The following SLC12A2 variants were observed in gnomAD, a reference collection of about 807,000 sequenced individuals.
SLC12A2 encodes Na-K-2Cl cotransporter 1.
A neutral mutation model predicts 136.3 loss-of-function variants in SLC12A2; 67 were observed. The ratio of observed to expected loss-of-function variants is 0.49; its 90% CI spans 0.40 to 0.60. The LOEUF is 0.60. Among genes scored for constraint, SLC12A2 ranks in the 20% least tolerant of loss-of-function variants. The pLI, the probability that SLC12A2 is intolerant of heterozygous loss-of-function variation, is 0.00. For missense variants in SLC12A2, 1,322 were observed against 1,534.7 expected (o/e 0.86, Z 2.32); for synonymous variants, 619 against 562.9 (o/e 1.10, Z -1.41).
At chr5:128,166,152 A>G (rs1219598992) in intron 17 of SLC12A2, among the ~76,000 whole-genome samples, 2 of 152,048 alleles carry the variant, frequency 1.3e-5, no homozygotes, top group Non-Finnish European at 2.9e-5. Flanking sequence ...GCAGGTCAAC[A>G]CTTGATAAAT....
At chr5:128,182,071 T>C (rs894384200) in intron 23 of SLC12A2, among the ~76,000 whole-genome samples, 4 of 152,126 alleles carry the variant, frequency 2.6e-5, no homozygotes, top group Admixed American at 6.5e-5. Flanking sequence ...GCATGTTTTA[T>C]AGTAGCCACT....
chr5:128,135,850 A>T, intron 7 of SLC12A2, 42 bp downstream of exon 7: 1 of 1,037,426 alleles, frequency 9.6e-7, no homozygotes, highest in Non-Finnish European at 1.5e-6. Context: ...GTACCTATTT[A>T]TAGAATTCTA....
At chr5:128,127,476 C>T (rs1471456070) in intron 4 of SLC12A2, among the ~76,000 whole-genome samples, 3 of 151,792 alleles carry the variant, frequency 2.0e-5, no homozygotes, top group Admixed American at 6.6e-5. Flanking sequence ...GTATTATGCT[C>T]ATCTTATGTG....
chr5:128,165,918 T>TACC (rs1561698417), intron 17 of SLC12A2, among the ~76,000 whole-genome samples: 1 of 83,824 alleles, frequency 1.2e-5, no homozygotes, highest in Non-Finnish European at 2.6e-5. Flanking sequence ...TTCTTTTACC[T>TACC]CCCCCCCCCC....
At chr5:128,156,171 T>C (rs1254466047) in intron 15 of SLC12A2, among the ~76,000 whole-genome samples, 1 of 152,178 alleles carries the variant, frequency 6.6e-6, no homozygotes, top group Non-Finnish European at 1.5e-5. Flanking sequence ...CAGAGGGACC[T>C]ACTGTTCCTA....
At chr5:128,090,413 A>G (rs1014461797) in intron 1 of SLC12A2, among the ~76,000 whole-genome samples, 32 of 152,200 alleles carry the variant, frequency 2.1e-4, no homozygotes, top group Non-Finnish European at 4.4e-4. Flanking sequence ...ATGATATTTC[A>G]TTATATGTTA....
intron 19 of SLC12A2, 180 bp downstream of exon 19, chr5:128,171,926 A>G (rs893351662): frequency 1.5e-5 from 7 of 465,444 alleles, no homozygotes; most frequent in Non-Finnish European, 2.2e-5. Context: ...TTCTCGTTGT[A>G]CCAACCTGGA....
intron 10 of SLC12A2, among the ~76,000 whole-genome samples, chr5:128,144,891 T>C (rs1259167063): frequency 6.6e-6 from 1 of 152,232 alleles, no homozygotes; most frequent in Non-Finnish European, 1.5e-5. Flanking sequence ...ATTTACTTGC[T>C]ATCTTTTAGC....
At chr5:128,169,862 T>C (rs1212408722) in intron 18 of SLC12A2, 1 of 152,208 alleles carries the variant, frequency 6.6e-6, no homozygotes, top group Admixed American at 6.5e-5. Flanking sequence ...GACTCTGACT[T>C]TCTAGGGATT....
At chr5:128,088,432 T>C (rs1042266537) in intron 1 of SLC12A2, among the ~76,000 whole-genome samples, 2 of 152,214 alleles carry the variant, frequency 1.3e-5, no homozygotes, top group African/African-American at 4.8e-5. Context: ...AAGTATTTGA[T>C]GGACATCTTC....
rs1561682128 is a variant in SLC12A2 at position 128,139,388 on chromosome 5, A to G, written c.1621+480A>G. ...TAGGACATACTAAGTTTTACTTAGG[A>G]AAAGTTTTACTAAATTCTTAGTAAA... On this transcript the variant is annotated intron_variant, in intron 9 of 26. Coordinates refer to ENST00000262461, the MANE Select transcript of SLC12A2 (RefSeq NM_001046.3). 5.9e-5 allele frequency among the ~76,000 whole-genome samples: 9 copies of G among 152,296 alleles called. No homozygotes were observed. The South Asian group carries it at 8.3e-4, about 14-fold the overall frequency.
intron 24 of SLC12A2, among the ~76,000 whole-genome samples, chr5:128,183,442 T>C (rs1170983220): frequency 6.6e-6 from 1 of 152,054 alleles, no homozygotes; most frequent in Non-Finnish European, 1.5e-5. Flanking sequence ...AATATGAAGC[T>C]GATATAAAGA....
Position 128,152,735 on chromosome 5 carries a change from C to T in SLC12A2, c.2293C>T (p.Leu765=), listed in dbSNP as rs548545596. 1.2e-6 allele frequency: 2 copies of T among 1,613,508 alleles called. No homozygotes were observed. Among genetic ancestry groups the T allele is most frequent in the Admixed American group, 3.3e-5 (2 of 60,002 alleles). ...GAATTGGGGATCCTCTACACAAGCC[C>T]TGACTTACCTGAATGCACTGCAGCA... is the stretch of plus-strand genomic sequence containing the variant. ...DVNWGSSTQA[L]TYLNALQHSI... The change falls in exon 15 of 27, where the codon CTG becomes TTG. Residue 765 remains leucine, a synonymous_variant. Transcript: ENST00000262461.
chr5:128,140,707 C>A lies in SLC12A2; in HGVS notation c.1622-1123C>A, dbSNP rs76372459. 6.6e-3 allele frequency among the ~76,000 whole-genome samples: 997 copies of A among 150,296 alleles called. 15 individuals carry two copies. The highest frequency in any genetic ancestry group is 0.024 in the Middle Eastern group (7 of 292). ...TCAAAGAAGTGGAACCTTCCCCCCC[C>A]AAAAAATTTCAGGCATAGACTATCA... is the stretch of plus-strand genomic sequence containing the variant. On this transcript the variant is annotated intron_variant, in intron 9 of 26. Transcript: ENST00000262461.
At chr5:128,149,345 C>T (rs1196588880) in intron 12 of SLC12A2, among the ~76,000 whole-genome samples, 1 of 151,764 alleles carries the variant, frequency 6.6e-6, no homozygotes, top group Non-Finnish European at 1.5e-5. Context: ...GAAACTAATT[C>T]TCATGTGATG....
In SLC12A2 at chr5:128,161,675, GC is replaced by G; in HGVS notation, c.2493del (p.Met832Ter). On this transcript the variant is annotated frameshift_variant, in exon 17 of 27. Coordinates refer to ENST00000262461, the MANE Select transcript of SLC12A2 (RefSeq NM_001046.3). LOFTEE classifies it high-confidence loss of function. ...GHVHMGPRRQAMKEMSIDQAK... is the reference protein window; with the variant it reads ...GHVHMGPRRQXMKEMSIDQAK... ...TTATTCAAAGGGTCCTCGAAGACAA[GC>G]CATGAAAGAGATGTCCATCGATCAA... 6.9e-7 allele frequency: 1 copy of G among 1,439,120 alleles called. No individual in the cohort carries two copies. Among genetic ancestry groups the G allele is most frequent in the Non-Finnish European group, 9.1e-7 (1 of 1,097,024 alleles). The allele number at this position is 1,439,120 out of a possible 1,614,324, so 89.1% of individuals were successfully genotyped here.
At chr5:128,127,850 T>A (rs1761874838) in intron 4 of SLC12A2, among the ~76,000 whole-genome samples, 1 of 152,152 alleles carries the variant, frequency 6.6e-6, no homozygotes, top group Admixed American at 6.5e-5. Context: ...TTTTTTTTAA[T>A]ATTTAAGAAT....
intron 1 of SLC12A2, among the ~76,000 whole-genome samples, chr5:128,086,545 AT>A (rs1401549848): frequency 1.3e-5 from 2 of 152,190 alleles, no homozygotes; most frequent in Non-Finnish European, 2.9e-5. Flanking sequence ...TCAATTTTAG[AT>A]TCTGTTAATT....
intron 1 of SLC12A2, among the ~76,000 whole-genome samples, chr5:128,103,350 C>A (rs1259655463): frequency 6.6e-6 from 1 of 152,164 alleles, no homozygotes; most frequent in Non-Finnish European, 1.5e-5. Flanking sequence ...CCAAAGCACA[C>A]ATTACTAGTG....
Sources: gnomAD v4.1 joint callset for allele counts (sites outside exome capture counted in the v4.1 genomes callset) on GRCh38, gnomAD v4.1.1 for gene constraint, MANE v1.5 for transcripts, NCBI Gene and HGNC (gene_info 2026-07-23, HGNC 2026-07-21) for gene names.